KCNB2: variants seen among roughly 807,000 people sequenced by gnomAD.
KCNB2 encodes the protein potassium voltage-gated channel subfamily B member 2.
Under a neutral mutation model 61.5 loss-of-function variants are expected in KCNB2, and 15 were observed. That is an observed-to-expected ratio of 0.24 (90% CI 0.16 to 0.38). KCNB2 has a LOEUF of 0.38. Ranked by LOEUF, KCNB2 falls within the 10% of genes least tolerant of loss-of-function variation. The pLI, the probability that KCNB2 is intolerant of heterozygous loss-of-function variation, is 1.00. For synonymous variants in KCNB2, 457 were observed against 446.0 expected, an observed-to-expected ratio of 1.02 and a Z score of -0.31; for missense variants, 828 against 1,125.2, an observed-to-expected ratio of 0.74 and a Z score of 3.78.
rs548844527 is a variant in KCNB2 at position 72,576,032 on chromosome 8, G to A, written c.579+7719G>A. ...ATTTGAATTGATCATTCGGATAAAG[G>A]AAGGTGTTTTCCTTTATCATAATTA... is the stretch of plus-strand genomic sequence containing the variant. On this transcript the variant is annotated intron_variant, in intron 2 of 2. Transcript: ENST00000523207. Among the ~76,000 whole-genome samples, 184 of 152,248 alleles carry A rather than the reference G, an allele frequency of 1.2e-3. 1 individual carries two copies. The highest frequency in any genetic ancestry group is 2.3e-3 in the Non-Finnish European group (159 of 68,012).
At chr8:72,620,810 G>A (rs139805840) in intron 2 of KCNB2, among the ~76,000 whole-genome samples, 2,773 of 152,122 alleles carry the variant, frequency 0.018, 67 homozygotes, top group African/African-American at 0.061. Flanking sequence ...GTTTCACCAC[G>A]TTGGCCAGGC....
chr8:72,725,603 A>ATGTATG (rs1438518658), intron 2 of KCNB2, among the ~76,000 whole-genome samples: 4 of 110,970 alleles, frequency 3.6e-5, no homozygotes, highest in African/African-American at 9.0e-5. Context: ...ATATATATAT[A>ATGTATG]TATATATATA....
intron 2 of KCNB2, among the ~76,000 whole-genome samples, chr8:72,871,333 C>T (rs1392768277): frequency 6.6e-6 from 1 of 152,198 alleles, no homozygotes; most frequent in Non-Finnish European, 1.5e-5. Flanking sequence ...CAAATGAATG[C>T]ATACCTCACA....
At chr8:72,843,681 C>T (rs1809934982) in intron 2 of KCNB2, among the ~76,000 whole-genome samples, 1 of 152,122 alleles carries the variant, frequency 6.6e-6, no homozygotes, top group African/African-American at 2.4e-5. Context: ...ATCCCTTTAC[C>T]ATTATATAAT....
intron 2 of KCNB2, among the ~76,000 whole-genome samples, chr8:72,847,514 C>T (rs1163249704): frequency 6.6e-6 from 1 of 152,190 alleles, no homozygotes. Flanking sequence ...TATTCGTTAA[C>T]TCATTTATAA....
rs190037930 is a variant in KCNB2 at position 72,567,857 on chromosome 8, G to A, written c.123G>A (p.Val41=). The A allele has an allele frequency of 9.3e-6, 15 of 1,614,008 alleles. No individual in the cohort carries two copies. In the African/African-American group the frequency reaches 1.6e-4, roughly 17 times the overall value. The part of the protein sequence containing the change: ...KTCSRRVKIN[V]GGLNHEVLWR... ...GCTCCAGGAGAGTTAAGATCAATGT[G>A]GGGGGCCTCAACCACGAAGTCCTGT... Residue 41 remains valine (V), a synonymous_variant, in exon 2 of 3, where the codon GTG becomes GTA. Transcript: ENST00000523207.
rs1289781564 is a variant in KCNB2, at chr8:72,936,009, G to T, written c.654G>T (p.Leu218=). 6 of 1,614,186 alleles carry T rather than the reference G, an allele frequency of 3.7e-6. No homozygotes were observed. The highest frequency in any genetic ancestry group is 2.2e-5 in the East Asian group (1 of 44,866). Residue 218 remains leucine, a synonymous_variant, in exon 3 of 3, where the codon CTG becomes CTT. Transcript: ENST00000523207. The surrounding 1 kb of genome is among the most constrained non-coding windows in gnomAD (Gnocchi z 5.6). ...IALSLNTLPE[L]QETDEFGQLN... ...TGTCTCTCAATACGCTGCCGGAGCT[G>T]CAGGAAACGGACGAATTTGGACAAC... is the stretch of plus-strand genomic sequence containing the variant.
intron 2 of KCNB2, among the ~76,000 whole-genome samples, chr8:72,892,114 G>A (rs1188648233): frequency 6.6e-6 from 1 of 152,168 alleles, no homozygotes; most frequent in Non-Finnish European, 1.5e-5. Context: ...AAAACAGCAG[G>A]AGAGGAAATC....
chr8:72,670,095 G>T (rs1013998035), intron 2 of KCNB2, among the ~76,000 whole-genome samples: 3 of 152,098 alleles, frequency 2.0e-5, no homozygotes, highest in Non-Finnish European at 4.4e-5. Flanking sequence ...TCTCCAAATT[G>T]CTTCCAGCTC....
intron 2 of KCNB2, among the ~76,000 whole-genome samples, chr8:72,600,431 T>C (rs911578256): frequency 3.3e-5 from 5 of 151,506 alleles, no homozygotes; most frequent in Non-Finnish European, 7.4e-5. Context: ...CATCACACAC[T>C]GGGGCCTGTT....
At chr8:72,851,623 C>G (rs73686546) in intron 2 of KCNB2, among the ~76,000 whole-genome samples, 17 of 152,004 alleles carry the variant, frequency 1.1e-4, no homozygotes, top group Non-Finnish European at 1.8e-4. Flanking sequence ...CCCCGGACCT[C>G]TCACTGAGCA....
chr8:72,782,314 C>G (rs192876965), intron 2 of KCNB2, among the ~76,000 whole-genome samples: 22 of 152,130 alleles, frequency 1.4e-4, no homozygotes, highest in African/African-American at 4.8e-4. Flanking sequence ...GTAAACGCAC[C>G]TGATAGCAAT....
chr8:72,589,591 A>G (rs1456812736), intron 2 of KCNB2, among the ~76,000 whole-genome samples: 3 of 152,192 alleles, frequency 2.0e-5, no homozygotes, highest in Non-Finnish European at 4.4e-5. Context: ...GGAGGAGCTG[A>G]TAGACTTCAA....
At chr8:72,552,931 T>C (rs1806367458) in intron 1 of KCNB2, among the ~76,000 whole-genome samples, 1 of 152,146 alleles carries the variant, frequency 6.6e-6, no homozygotes, top group African/African-American at 2.4e-5. Context: ...TACTGTTTCC[T>C]TTTTTGACGT....
chr8:72,866,717 C>A (rs919174567), intron 2 of KCNB2, among the ~76,000 whole-genome samples: 1 of 152,220 alleles, frequency 6.6e-6, no homozygotes, highest in African/African-American at 2.4e-5. Context: ...AACCCAACAA[C>A]TGCTATGGGC....
At chr8:72,700,079 G>A (rs747588033) in intron 2 of KCNB2, among the ~76,000 whole-genome samples, 7 of 152,118 alleles carry the variant, frequency 4.6e-5, no homozygotes, top group Non-Finnish European at 8.8e-5. Context: ...ATCATTCTCA[G>A]CAAACTAACA....
At chr8:72,724,000 A>G (rs1480531615) in intron 2 of KCNB2, among the ~76,000 whole-genome samples, 6 of 152,192 alleles carry the variant, frequency 3.9e-5, no homozygotes, top group Non-Finnish European at 8.8e-5. Flanking sequence ...TGGCTGTTCT[A>G]TCACAATGTT....
intron 2 of KCNB2, among the ~76,000 whole-genome samples, chr8:72,754,543 C>T (rs1038955146): frequency 2.0e-5 from 3 of 152,138 alleles, no homozygotes; most frequent in African/African-American, 7.2e-5. Context: ...TCTTGCTTAG[C>T]CCTGAATGTA....
intron 2 of KCNB2, among the ~76,000 whole-genome samples, chr8:72,702,645 G>A (rs760347213): frequency 4.6e-5 from 7 of 152,118 alleles, no homozygotes; most frequent in Non-Finnish European, 1.0e-4. Context: ...TGGAAATATT[G>A]AACCATGATG....
Sources: allele counts gnomAD v4.1 joint callset (sites outside exome capture counted in the v4.1 genomes callset), GRCh38; gene constraint gnomAD v4.1.1; non-coding constraint Gnocchi (gnomAD v3.1); transcripts MANE v1.5; gene names NCBI Gene and HGNC (gene_info 2026-07-23, HGNC 2026-07-21).